The following XKR6 variants were observed in gnomAD, a reference collection of about 807,000 sequenced individuals.
The protein encoded by XKR6 is XK related 6.
Under a neutral mutation model 56.7 loss-of-function variants are expected in XKR6, and 22 were observed. That is an observed-to-expected ratio of 0.39 (90% confidence interval 0.28 to 0.55). The LOEUF (loss-of-function observed/expected upper bound fraction) is 0.55, where lower values mean the gene tolerates loss of function less well. XKR6 is among the 20% of genes least tolerant of loss of function. The pLI, the probability that XKR6 is intolerant of heterozygous loss-of-function variation, is 0.66. For missense variants in XKR6, 852 were observed against 889.0 expected, an observed-to-expected ratio of 0.96 and a Z score of 0.53; for synonymous variants, 524 against 387.8, an observed-to-expected ratio of 1.35 and a Z score of -4.13.
chr8:10,930,501 T>C (rs1264965941), intron 1 of XKR6, among the ~76,000 whole-genome samples: 1 of 152,032 alleles, frequency 6.6e-6, no homozygotes, highest in Non-Finnish European at 1.5e-5. Context: ...TACAAGCAAA[T>C]AAAACTACAG....
At chr8:11,057,229 C>T (rs141314221) in intron 1 of XKR6, among the ~76,000 whole-genome samples, 4 of 152,350 alleles carry the variant, frequency 2.6e-5, no homozygotes, top group Non-Finnish European at 5.9e-5. Context: ...CTACTCCACA[C>T]TGCCTGCTTT....
At chr8:10,996,193 C>A (rs1339644269) in intron 1 of XKR6, among the ~76,000 whole-genome samples, 1 of 152,084 alleles carries the variant, frequency 6.6e-6, no homozygotes, top group Non-Finnish European at 1.5e-5. Context: ...AGAAATTGAC[C>A]AAAATATTGC....
chr8:11,092,271 AC>A (rs1170824349), intron 1 of XKR6, among the ~76,000 whole-genome samples: 1 of 152,246 alleles, frequency 6.6e-6, no homozygotes, highest in Non-Finnish European at 1.5e-5. Context: ...CTCATTGTGC[AC>A]GCACACACAC....
intron 1 of XKR6, among the ~76,000 whole-genome samples, chr8:11,008,072 C>T (rs1413434740): frequency 6.6e-6 from 1 of 152,152 alleles, no homozygotes; most frequent in Non-Finnish European, 1.5e-5. Flanking sequence ...AGGGGCAAGG[C>T]AGTGAAGGAC....
At chr8:11,143,714 G>A (rs1800825849) in intron 1 of XKR6, among the ~76,000 whole-genome samples, 3 of 152,168 alleles carry the variant, frequency 2.0e-5, no homozygotes, top group Admixed American at 1.3e-4. Context: ...GGACACATAC[G>A]GGAGTTTCTA....
chr8:11,187,245 G>C (rs1177068267), intron 1 of XKR6, among the ~76,000 whole-genome samples: 1 of 152,142 alleles, frequency 6.6e-6, no homozygotes, highest in Non-Finnish European at 1.5e-5. Flanking sequence ...ATGTAAAAGT[G>C]GACAAAAATA....
intron 1 of XKR6, among the ~76,000 whole-genome samples, chr8:11,183,452 C>T (rs1038255960): frequency 1.3e-5 from 2 of 151,788 alleles, no homozygotes; most frequent in African/African-American, 4.8e-5. Context: ...GATGGGACTA[C>T]AGGCATGCGC....
chr8:10,980,882 C>T (rs76606053), intron 1 of XKR6, among the ~76,000 whole-genome samples: 4,621 of 152,164 alleles, frequency 0.03, 228 homozygotes, highest in African/African-American at 0.11. Flanking sequence ...TACTGACCTA[C>T]CCAAGTTGTA....
intron 1 of XKR6, chr8:11,108,204 T>C (rs1282484559): frequency 2.2e-6 from 1 of 446,584 alleles, no homozygotes; most frequent in African/African-American, 2.0e-5. Context: ...TATAAACAAA[T>C]TAACCAAATT....
chr8:10,948,563 C>G (rs1801618769), intron 1 of XKR6, among the ~76,000 whole-genome samples: 1 of 152,106 alleles, frequency 6.6e-6, no homozygotes. Flanking sequence ...GGTCGGCTGC[C>G]CAGAGATCTT....
chr8:11,173,300 T>C (rs1441045042), intron 1 of XKR6, among the ~76,000 whole-genome samples: 3 of 151,000 alleles, frequency 2.0e-5, no homozygotes, highest in Non-Finnish European at 4.4e-5. Context: ...GCTGAGATCG[T>C]GCCACTGCAC....
intron 1 of XKR6, among the ~76,000 whole-genome samples, chr8:10,954,446 C>T (rs947640411): frequency 6.6e-6 from 1 of 152,186 alleles, no homozygotes; most frequent in African/African-American, 2.4e-5. Flanking sequence ...TGCTTAGTGG[C>T]CATTTATATA....
intron 1 of XKR6, among the ~76,000 whole-genome samples, chr8:11,093,032 TTC>T (rs1293431328): frequency 2.4e-5 from 3 of 123,378 alleles, no homozygotes; most frequent in Non-Finnish European, 4.6e-5. Context: ...CTTTTTTCTT[TTC>T]TCTTTCTTTC....
chr8:11,171,512 C>G (rs1802366897), intron 1 of XKR6, among the ~76,000 whole-genome samples: 1 of 152,166 alleles, frequency 6.6e-6, no homozygotes, highest in Non-Finnish European at 1.5e-5. Flanking sequence ...TAGATTCATT[C>G]CCTTGGGTAT....
intron 1 of XKR6, among the ~76,000 whole-genome samples, chr8:11,040,770 G>C (rs1001772354): frequency 2.0e-5 from 3 of 152,120 alleles, no homozygotes; most frequent in African/African-American, 7.2e-5. Flanking sequence ...CCTAAGACCA[G>C]CACATGGGGT....
At position 10,982,943 on chromosome 8, in the gene XKR6, C is replaced by A. The variant is rs559166830; in HGVS notation, c.765-58113G>T. On this transcript the variant is annotated intron_variant, in intron 1 of 2. Coordinates refer to ENST00000416569, the MANE Select transcript of XKR6 (RefSeq NM_173683.4). ...TTTCCGCTCCTTCCTAGCTATATGG[C>A]CTTGGGCAAGCCATTTAACTTCTCT... Among the ~76,000 whole-genome samples the A allele has an allele frequency of 2.0e-3, 299 of 152,282 alleles. 1 individual carries two copies. The highest frequency in any genetic ancestry group is 0.01 in the Middle Eastern group (3 of 294).
At chr8:10,990,012 A>G (rs1323432760) in intron 1 of XKR6, among the ~76,000 whole-genome samples, 1 of 152,236 alleles carries the variant, frequency 6.6e-6, no homozygotes, top group Non-Finnish European at 1.5e-5. Flanking sequence ...GAGTCGGGTT[A>G]TGGACACTGC....
chr8:11,125,348 G>A (rs981506462), intron 1 of XKR6, among the ~76,000 whole-genome samples: 4 of 152,132 alleles, frequency 2.6e-5, no homozygotes, highest in African/African-American at 9.7e-5. Flanking sequence ...AGGGCACATC[G>A]AGGCCTGAAG....
intron 1 of XKR6, among the ~76,000 whole-genome samples, chr8:10,995,876 G>A (rs1798101440): frequency 6.6e-6 from 1 of 152,170 alleles, no homozygotes; most frequent in Admixed American, 6.5e-5. Context: ...AGACCATCAT[G>A]GTGAGATGAG....
Sources: gnomAD v4.1 joint callset for allele counts (sites outside exome capture counted in the v4.1 genomes callset) on GRCh38, gnomAD v4.1.1 for gene constraint, MANE v1.5 for transcripts, NCBI Gene and HGNC (gene_info 2026-07-23, HGNC 2026-07-21) for gene names.